CCDC148: variants seen among roughly 807,000 people sequenced by gnomAD.
The protein encoded by CCDC148 is coiled-coil domain-containing protein 148.
A neutral mutation model predicts 85.7 loss-of-function variants in CCDC148; 89 were observed. That is an observed-to-expected ratio of 1.04 (90% CI 0.87 to 1.24). The LOEUF (loss-of-function observed/expected upper bound fraction) is 1.24. CCDC148 is among the 50% of genes most tolerant of loss of function. The pLI, the probability that CCDC148 is intolerant of heterozygous loss-of-function variation, is 0.00. For missense variants in CCDC148, 692 were observed against 671.7 expected (o/e 1.03, Z -0.33); for synonymous variants, 230 against 213.9 (o/e 1.08, Z -0.66).
chr2:158,452,773 T>C (rs955493826), intron 1 of CCDC148, among the ~76,000 whole-genome samples: 2 of 152,300 alleles, frequency 1.3e-5, no homozygotes, highest in African/African-American at 2.4e-5. Flanking sequence ...GGCTGCCTCC[T>C]TCAAGGGCTG....
chr2:158,257,959 A>G (rs929073602), intron 9 of CCDC148, among the ~76,000 whole-genome samples: 1 of 151,886 alleles, frequency 6.6e-6, no homozygotes, highest in African/African-American at 2.4e-5. Flanking sequence ...AAACTGGACT[A>G]AGGGTAAGAA....
intron 7 of CCDC148, among the ~76,000 whole-genome samples, chr2:158,319,604 C>G (rs1692432250): frequency 6.6e-6 from 1 of 152,162 alleles, no homozygotes. Context: ...CTCTAGACTT[C>G]TTGTTAAATA....
intron 7 of CCDC148, among the ~76,000 whole-genome samples, chr2:158,324,354 T>C (rs1692665207): frequency 6.6e-6 from 1 of 152,236 alleles, no homozygotes; most frequent in Admixed American, 6.5e-5. Context: ...TGGCCTGCTT[T>C]TTAATTACAT....
At chr2:158,396,440 T>C (rs531125380) in intron 1 of CCDC148, among the ~76,000 whole-genome samples, 1 of 152,138 alleles carries the variant, frequency 6.6e-6, no homozygotes, top group African/African-American at 2.4e-5. Flanking sequence ...ACTGCTGTCT[T>C]CCTAATTCTG....
chr2:158,381,288 A>G (rs1574724957), intron 1 of CCDC148, among the ~76,000 whole-genome samples: 1 of 152,272 alleles, frequency 6.6e-6, no homozygotes, highest in East Asian at 1.9e-4. Context: ...CAGACGACCC[A>G]ATAAAAAATG....
At chr2:158,353,690 C>T (rs896460752) in intron 2 of CCDC148, among the ~76,000 whole-genome samples, 23 of 152,172 alleles carry the variant, frequency 1.5e-4, no homozygotes, top group Non-Finnish European at 2.4e-4. Context: ...TCAACAAGGA[C>T]ACCCAGGAAT....
chr2:158,345,249 A>C lies in CCDC148; in HGVS notation c.217T>G (p.Trp73Gly), dbSNP rs751999270. 5.6e-6 allele frequency: 9 copies of C among 1,613,540 alleles called. No individual in the cohort carries two copies. In the Middle Eastern group the frequency reaches 6.6e-4, roughly 118 times the overall value. ...QTLIKQHKQV[W>G]WQEYQRLNEV... ...TTCAGCCTCTGGTATTCCTGCCACC[A>C]CACTTGCTTGTGTTGTTTTATTAGT... Residue 73 changes from tryptophan (W) to glycine (G), a missense_variant, in exon 3 of 14, where the codon TGG (tryptophan) becomes GGG (glycine). By Grantham distance (184) the Trp-to-Gly change is radical (BLOSUM62 -2). Transcript: ENST00000283233.
rs116112088 is a variant in CCDC148, at chr2:158,309,005, C to T, written c.1110+428G>A. Reference sequence around the variant, plus strand: ...ACTCACACACAGCCCAGCAAGCTTGCCCCAATGTATTTCATCATAAAGCCT... The same window carrying T: ...ACTCACACACAGCCCAGCAAGCTTGTCCCAATGTATTTCATCATAAAGCCT... On this transcript the variant is annotated intron_variant, in intron 9 of 13. Coordinates refer to ENST00000283233, the MANE Select transcript of CCDC148 (RefSeq NM_138803.4). 9.2e-3 allele frequency among the ~76,000 whole-genome samples: 1,404 copies of T among 152,280 alleles called. 6 individuals carry two copies. The highest frequency in any genetic ancestry group is 0.014 in the Non-Finnish European group (949 of 68,022).
intron 11 of CCDC148, among the ~76,000 whole-genome samples, chr2:158,202,309 A>C (rs1329608454): frequency 1.3e-5 from 2 of 152,218 alleles, no homozygotes; most frequent in African/African-American, 4.8e-5. Context: ...GGGTCAGACC[A>C]TACATAAGGC....
At chr2:158,269,118 A>G (rs1689591906) in intron 9 of CCDC148, among the ~76,000 whole-genome samples, 2 of 152,098 alleles carry the variant, frequency 1.3e-5, no homozygotes, top group African/African-American at 4.8e-5. Flanking sequence ...TCTACTTTTA[A>G]TTTTATGAGG....
At chr2:158,269,563 T>C (rs185179341) in intron 9 of CCDC148, among the ~76,000 whole-genome samples, 2 of 152,336 alleles carry the variant, frequency 1.3e-5, no homozygotes, top group Non-Finnish European at 2.9e-5. Context: ...TGGTCAACCC[T>C]TGACCACTGG....
chr2:158,197,258 C>T (rs1245960771), intron 11 of CCDC148, among the ~76,000 whole-genome samples: 3 of 151,952 alleles, frequency 2.0e-5, no homozygotes, highest in African/African-American at 7.3e-5. Context: ...TTTTATTTCT[C>T]CTAAAGTTTT....
rs997145120 is a variant in CCDC148 at position 158,340,227 on chromosome 2, A to G, written c.486+15T>C. On this transcript the variant is annotated intron_variant, in intron 5 of 13. Coordinates refer to ENST00000283233, the MANE Select transcript of CCDC148 (RefSeq NM_138803.4). ...TGAAATATTACATTATGGAAAATAA[A>G]GGTAACATACTAACCTCTTCCAATA... is the stretch of plus-strand genomic sequence containing the variant. 7 of 1,607,904 alleles carry G rather than the reference A, an allele frequency of 4.4e-6. No homozygotes were observed. The highest frequency in any genetic ancestry group is 3.4e-5 in the Admixed American group (2 of 58,900).
At chr2:158,442,994 A>G (rs781099942) in intron 1 of CCDC148, among the ~76,000 whole-genome samples, 15 of 152,296 alleles carry the variant, frequency 9.8e-5, no homozygotes, top group Non-Finnish European at 1.9e-4. Context: ...GACTACAGGT[A>G]GTGGCTCCTC....
At chr2:158,449,056 G>A (rs1688283992) in intron 1 of CCDC148, among the ~76,000 whole-genome samples, 1 of 152,006 alleles carries the variant, frequency 6.6e-6, no homozygotes, top group Non-Finnish European at 1.5e-5. Context: ...TTGAACTTCT[G>A]ACTTTGTGAT....
intron 7 of CCDC148, among the ~76,000 whole-genome samples, chr2:158,330,883 A>G (rs1693068645): frequency 6.6e-6 from 1 of 151,932 alleles, no homozygotes; most frequent in African/African-American, 2.4e-5. Context: ...TATTGTGTCT[A>G]TTTGATTCTC....
chr2:158,416,437 C>A (rs1434368526), intron 1 of CCDC148, among the ~76,000 whole-genome samples: 1 of 152,200 alleles, frequency 6.6e-6, no homozygotes, highest in Non-Finnish European at 1.5e-5. Flanking sequence ...AGAAGCCAGG[C>A]CACATCTTGA....
In CCDC148 at chr2:158,250,761, A is replaced by G. The variant is rs371839295; in HGVS notation, c.1251+11T>C. 2.6e-6 allele frequency: 4 copies of G among 1,533,996 alleles called. No individual in the cohort carries two copies. In the African/African-American group the frequency reaches 5.6e-5, roughly 21 times the overall value. On this transcript the variant is annotated intron_variant, in intron 10 of 13. Transcript: ENST00000283233. ...TCATTCACACATTCGTATTGACAAT[A>G]GATTTTTTACTTTTTTTTTCTTCTC...
chr2:158,368,228 C>T (rs1306919809), intron 1 of CCDC148, among the ~76,000 whole-genome samples: 1 of 152,074 alleles, frequency 6.6e-6, no homozygotes, highest in Non-Finnish European at 1.5e-5. Flanking sequence ...GCCTGGGCCC[C>T]ACCAGGGTTT....
Sources: allele counts gnomAD v4.1 joint callset (sites outside exome capture counted in the v4.1 genomes callset), GRCh38; gene constraint gnomAD v4.1.1; transcripts MANE v1.5; gene names NCBI Gene and HGNC (gene_info 2026-07-23, HGNC 2026-07-21).